AFM: variants seen among roughly 807,000 people sequenced by gnomAD.
AFM encodes alpha-Alb.
A neutral mutation model predicts 68.7 loss-of-function variants in AFM; 82 were observed. The ratio of observed to expected loss-of-function variants is 1.19; its 90% confidence interval spans 1.00 to 1.43. The LOEUF (loss-of-function observed/expected upper bound fraction) is 1.43, where lower values mean the gene tolerates loss of function less well. Ranked by LOEUF, AFM falls within the 40% of genes most tolerant of loss-of-function variation. The pLI is 0.00. For missense variants in AFM, 772 were observed against 701.8 expected (o/e 1.10, Z -1.13); for synonymous variants, 250 against 234.2 (o/e 1.07, Z -0.61).
intron 6 of AFM, 72 bp from the exon 7 acceptor site, chr4:73,488,558 A>G: frequency 7.3e-7 from 1 of 1,376,930 alleles, no homozygotes; most frequent in Non-Finnish European, 1.0e-6. Flanking sequence ...TTCATATCAT[A>G]TTAGCAAATT....
At chr4:73,487,662 A>C in intron 5 of AFM, 62 bp from the exon 6 acceptor site, 1 of 1,170,122 alleles carries the variant, frequency 8.5e-7, no homozygotes, top group Non-Finnish European at 1.2e-6. Flanking sequence ...AATATGACTA[A>C]AAAATAAGAG....
At position 73,501,821 on chromosome 4, in the gene AFM, C is replaced by G. The variant is rs949678544; in HGVS notation, c.1681C>G (p.Leu561Val). The stretch of plus-strand genomic sequence containing the variant: ...CAACTTAGTGAAGCTGAAGCATGAA[C>G]TCACAGATGAAGAGCTGCAGTCTTT... The part of the protein sequence containing the change: ...LVNLVKLKHE[L>V]TDEELQSLFT... The change falls in exon 13 of 15, where the codon CTC (leucine) becomes GTC (valine). Residue 561 changes from leucine to valine, a missense_variant. Transcript: ENST00000226355. 6.2e-7 allele frequency: 1 copy of G among 1,613,134 alleles called. No individual in the cohort carries two copies. The highest frequency in any genetic ancestry group is 8.5e-7 in the Non-Finnish European group (1 of 1,179,564).
In AFM at chr4:73,492,036, T is replaced by A; in HGVS notation, c.1008T>A (p.Ser336Arg). 1 of 1,613,216 alleles carries A rather than the reference T, an allele frequency of 6.2e-7. No individual in the cohort carries two copies. Among genetic ancestry groups the A allele is most frequent in the Non-Finnish European group, 8.5e-7 (1 of 1,179,788 alleles). Residue 336 changes from serine to arginine, a missense_variant, in exon 8 of 15, where the codon AGT becomes AGA. Ser to Arg is a moderately radical substitution (Grantham distance 110, BLOSUM62 -1). Coordinates refer to ENST00000226355, the MANE Select transcript of AFM (RefSeq NM_001133.2). ...TAAGAGAAGGAAAATTTACTGACAG[T>A]GAAAATGTGTGTCAAGAACGAGATG... ...LSLREGKFTDSENVCQERDAD... is the reference protein window; with the variant it reads ...LSLREGKFTDRENVCQERDAD...
At chr4:73,484,191 AC>A in intron 2 of AFM, 66 bp from the exon 3 acceptor site, 1 of 1,525,798 alleles carries the variant, frequency 6.6e-7, no homozygotes, top group South Asian at 1.4e-5. Context: ...TGTTCCTGTG[AC>A]TTTTTCTTGA....
At chr4:73,503,162 TCTC>T in intron 14 of AFM, 52 bp downstream of exon 14, 1 of 1,376,864 alleles carries the variant, frequency 7.3e-7, no homozygotes, top group Non-Finnish European at 1.0e-6. Context: ...GCTTATCTGA[TCTC>T]CTTGCCTTTT....
chr4:73,502,759 T>C (rs1454900641), intron 13 of AFM, among the ~76,000 whole-genome samples: 1 of 152,156 alleles, frequency 6.6e-6, no homozygotes, highest in East Asian at 1.9e-4. Context: ...ATATTACTAG[T>C]TTTTAAAAAA....
At chr4:73,502,903 C>T (rs951127291) in intron 13 of AFM, 147 bp from the exon 14 acceptor site, 3 of 784,060 alleles carry the variant, frequency 3.8e-6, no homozygotes, top group Non-Finnish European at 6.2e-6. Context: ...TATTTTTTCA[C>T]TAGAAGAAAG....
chr4:73,485,308 T>C (rs1185419749), intron 3 of AFM, among the ~76,000 whole-genome samples: 1 of 151,874 alleles, frequency 6.6e-6, no homozygotes, highest in Non-Finnish European at 1.5e-5. Flanking sequence ...GGAAGGGAAA[T>C]GTAGGCAGCA....
chr4:73,493,119 T>C (rs573431483), intron 8 of AFM, among the ~76,000 whole-genome samples: 27 of 152,142 alleles, frequency 1.8e-4, no homozygotes, highest in Non-Finnish European at 3.1e-4. Context: ...AGAGCATGAA[T>C]TGAAGTTTAT....
At chr4:73,492,560 T>C (rs12510870) in intron 8 of AFM, among the ~76,000 whole-genome samples, 26,820 of 151,798 alleles carry the variant, frequency 0.18, 2,974 homozygotes, top group Admixed American at 0.31. Context: ...ACTAGTGAAC[T>C]TGGAGCCACA....
chr4:73,487,729 A>G lies in AFM; in HGVS notation c.621A>G (p.Ile207Met). 1 of 1,607,348 alleles carries G rather than the reference A, an allele frequency of 6.2e-7. No homozygotes were observed. The highest frequency in any genetic ancestry group is 2.2e-5 in the East Asian group (1 of 44,808). The change falls in exon 6 of 15, where the codon ATA (isoleucine) becomes ATG (methionine). Residue 207 changes from isoleucine to methionine, a missense_variant. Coordinates refer to ENST00000226355, the MANE Select transcript of AFM (RefSeq NM_001133.2). Reference protein sequence around the residue: ...NKVNCLQTRAIPVTQYLKAFS... With the variant: ...NKVNCLQTRAMPVTQYLKAFS... ...ATTTTCTCTTTCTTCTTCAGGCAAT[A>G]CCTGTCACACAATATTTAAAAGCAT...
chr4:73,488,795 T>C, intron 7 of AFM, 36 bp downstream of exon 7: 1 of 1,574,956 alleles, frequency 6.3e-7, no homozygotes, highest in South Asian at 1.2e-5. Context: ...AAATAGTGAT[T>C]TTTGGCAATT....
intron 12 of AFM, among the ~76,000 whole-genome samples, chr4:73,501,462 A>G (rs1188701961): frequency 2.0e-5 from 3 of 152,002 alleles, no homozygotes; most frequent in East Asian, 3.9e-4. Flanking sequence ...TTCCTACTAT[A>G]CTACTGAATA....
intron 8 of AFM, among the ~76,000 whole-genome samples, chr4:73,493,881 G>A (rs1721171904): frequency 6.6e-6 from 1 of 152,190 alleles, no homozygotes; most frequent in Admixed American, 6.5e-5. Context: ...AACATAAAAA[G>A]TGTTTGAAAC....
chr4:73,484,498 CT>C lies in AFM; in HGVS notation c.270+111del, dbSNP rs1007285629. On this transcript the variant is annotated intron_variant, in intron 3 of 14. Coordinates refer to ENST00000226355, the MANE Select transcript of AFM (RefSeq NM_001133.2). ...TCTTTCTTTCTTTCTTTCTTTCTTT[CT>C]TTCTTTCATTCTTTCTTTCTTCTTT... The C allele has an allele frequency of 1.3e-4, 110 of 820,048 alleles. No homozygotes were observed. In the African/African-American group the frequency reaches 2.0e-3, roughly 15 times the overall value. The allele number at this position is 820,048 out of a possible 1,614,324, so 50.8% of individuals were successfully genotyped here. A position where few individuals can be genotyped will look rare whatever the true frequency, so the allele number is the denominator to read the frequency against.
At chr4:73,483,308 G>C (rs1167859295) in intron 1 of AFM, among the ~76,000 whole-genome samples, 1 of 152,218 alleles carries the variant, frequency 6.6e-6, no homozygotes, top group South Asian at 2.1e-4. Flanking sequence ...ACTTCTATTA[G>C]AGAGCAGCTT....
intron 3 of AFM, among the ~76,000 whole-genome samples, chr4:73,484,628 G>T (rs1720839741): frequency 6.6e-6 from 1 of 151,238 alleles, no homozygotes; most frequent in Non-Finnish European, 1.5e-5. Context: ...TCCACTTCCT[G>T]GGTTCAGGCA....
chr4:73,491,968 A>G lies in AFM; in HGVS notation c.940A>G (p.Ile314Val), dbSNP rs1721082196. 18 of 1,613,936 alleles carry G rather than the reference A, an allele frequency of 1.1e-5. No individual in the cohort carries two copies. The highest frequency in any genetic ancestry group is 1.7e-5 in the Admixed American group (1 of 59,996). The change falls in exon 8 of 15, where the codon ATA (isoleucine) becomes GTA (valine). Residue 314 changes from isoleucine to valine, a missense_variant. By Grantham distance (29) the Ile-to-Val change is conservative. Transcript: ENST00000226355. Reference sequence around the variant, plus strand: ...GAAAATACCAGAGCGCGGCCAGTGCATAATTAACTCAAACAAAGATGATAG... The same window carrying G: ...GAAAATACCAGAGCGCGGCCAGTGCGTAATTAACTCAAACAAAGATGATAG... ...EKKIPERGQC[I>V]INSNKDDRPK...
chr4:73,496,028 C>CT (rs1168679748), intron 9 of AFM, among the ~76,000 whole-genome samples: 1 of 152,130 alleles, frequency 6.6e-6, no homozygotes, highest in African/African-American at 2.4e-5. Flanking sequence ...TCATAGAAAA[C>CT]TTTTTTGTTG....
Sources: gnomAD v4.1 joint callset for allele counts (sites outside exome capture counted in the v4.1 genomes callset) on GRCh38, gnomAD v4.1.1 for gene constraint, MANE v1.5 for transcripts, NCBI Gene and HGNC (gene_info 2026-07-23, HGNC 2026-07-21) for gene names.